Variants in HDLBP observed in about 807,000 individuals in gnomAD.
The protein encoded by HDLBP is vigilin.
Under a neutral mutation model 137.3 loss-of-function variants are expected in HDLBP, and 30 were observed. The ratio of observed to expected loss-of-function variants is 0.22; its 90% CI spans 0.16 to 0.30. HDLBP has a LOEUF of 0.30. HDLBP is among the 10% of genes least tolerant of loss of function. The pLI, the probability that HDLBP is intolerant of heterozygous loss-of-function variation, is 1.00. For synonymous variants in HDLBP, 606 were observed against 596.0 expected, an observed-to-expected ratio of 1.02 and a Z score of -0.24; for missense variants, 1,119 against 1,667.3, an observed-to-expected ratio of 0.67 and a Z score of 5.73.
intron 1 of HDLBP, among the ~76,000 whole-genome samples, chr2:241,303,691 C>T (rs2075466482): frequency 6.6e-6 from 1 of 152,218 alleles, no homozygotes; most frequent in Non-Finnish European, 1.5e-5. Context: ...ACCTTGAGAC[C>T]TGGCCTTCAG....
intron 1 of HDLBP, among the ~76,000 whole-genome samples, chr2:241,289,504 G>A (rs189714004): frequency 1.8e-4 from 27 of 152,270 alleles, no homozygotes; most frequent in Admixed American, 1.8e-3. Flanking sequence ...GTTAGACAAT[G>A]GAGATACCGG....
chr2:241,266,614 C>A (rs1245368566), intron 3 of HDLBP, 180 bp downstream of exon 3: 1 of 580,608 alleles, frequency 1.7e-6, no homozygotes, highest in Non-Finnish European at 3.1e-6. Flanking sequence ...TTCCTCATGC[C>A]TGGCCAGTCG....
In HDLBP at chr2:241,235,541, G is replaced by A. The variant is rs144083652; in HGVS notation, c.2958C>T (p.Tyr986=). ...TCCCACTTCCTTTCTGCCCAATAAC[G>A]TAACGGTGAAGGTCAAAGGGCACCT... is the stretch of plus-strand genomic sequence containing the variant. The part of the protein sequence containing the change: ...EVEVPFDLHR[Y]VIGQKGSGIR... Residue 986 remains tyrosine, a synonymous_variant, in exon 22 of 28, where the codon TAC becomes TAT. Transcript: ENST00000310931. 3.5e-5 allele frequency: 56 copies of A among 1,614,044 alleles called. No individual in the cohort carries two copies. In the East Asian group the frequency reaches 1.0e-3, roughly 30 times the overall value.
intron 1 of HDLBP, among the ~76,000 whole-genome samples, chr2:241,300,242 G>A (rs1045243964): frequency 2.0e-5 from 3 of 151,926 alleles, no homozygotes; most frequent in Non-Finnish European, 2.9e-5. Context: ...GAAGGCGGGC[G>A]CCCCCCGGTG....
chr2:241,286,097 T>C (rs539534194), intron 1 of HDLBP, among the ~76,000 whole-genome samples: 2 of 152,310 alleles, frequency 1.3e-5, no homozygotes, highest in African/African-American at 4.8e-5. Context: ...TCTTAAATTT[T>C]TGTTCCACTT....
At chr2:241,290,400 C>T (rs1356807520) in intron 1 of HDLBP, among the ~76,000 whole-genome samples, 3 of 152,052 alleles carry the variant, frequency 2.0e-5, no homozygotes, top group Non-Finnish European at 2.9e-5. Flanking sequence ...TACCTGAGGT[C>T]GGGAGTTCGA....
In HDLBP at chr2:241,238,929, G is replaced by A; in HGVS notation, c.2611-142C>T. The A allele has an allele frequency of 4.8e-6, 3 of 623,488 alleles. No homozygotes were observed. The highest frequency in any genetic ancestry group is 7.8e-6 in the Non-Finnish European group (3 of 386,988). The allele number at this position is 623,488 out of a possible 1,614,324, so 38.6% of individuals were successfully genotyped here. ...ATGCTCCCCTTCTCCCGAGTCCAGG[G>A]CTCCAGGCGCAGGGAGGAGGGAGGT... On this transcript the variant is annotated intron_variant, in intron 19 of 27. Coordinates refer to ENST00000310931, the MANE Select transcript of HDLBP (RefSeq NM_005336.6). This position sits in a 1 kb window ranked among gnomAD's most constrained non-coding sequence, Gnocchi z 4.9.
chr2:241,296,100 C>CA (rs34959720), intron 1 of HDLBP, among the ~76,000 whole-genome samples: 33,452 of 85,484 alleles, frequency 0.39, 5,436 homozygotes, highest in Middle Eastern at 0.53. Flanking sequence ...GAAAATTTTG[C>CA]AAAAAAAAAA....
intron 7 of HDLBP, 93 bp from the exon 8 acceptor site, chr2:241,255,673 G>T: frequency 1.1e-6 from 1 of 933,762 alleles, no homozygotes; most frequent in Non-Finnish European, 1.8e-6. Flanking sequence ...AAGCCAAAGC[G>T]GCCCAGACTA....
chr2:241,247,003 G>C (rs1242905953), intron 15 of HDLBP, 53 bp downstream of exon 15: 1 of 1,559,070 alleles, frequency 6.4e-7, no homozygotes, highest in African/African-American at 1.4e-5. Flanking sequence ...AAATGGTGCA[G>C]GGCTACAGAG....
Position 241,230,676 on chromosome 2 carries a change from G to A in HDLBP, c.3474+83C>T. The A allele has an allele frequency of 8.4e-7, 1 of 1,188,138 alleles. No individual in the cohort carries two copies. 73.6% of individuals were successfully genotyped at this position (1,188,138 alleles called of 1,614,324 possible). ...GTGGCCTCATCATCTTGAGGGGAAG[G>A]CCATGCCCTGCTCTTTCTTCTGGCC... On this transcript the variant is annotated intron_variant, in intron 25 of 27. Coordinates refer to ENST00000310931, the MANE Select transcript of HDLBP (RefSeq NM_005336.6). This position sits in a 1 kb window ranked among gnomAD's most constrained non-coding sequence, Gnocchi z 5.0.
intron 27 of HDLBP, 46 bp downstream of exon 27, chr2:241,229,787 C>A (rs776121228): frequency 1.8e-6 from 2 of 1,137,526 alleles, no homozygotes; most frequent in East Asian, 2.7e-5. Flanking sequence ...CCCGCCTGCC[C>A]GCCCACCCTC....
intron 9 of HDLBP, 126 bp downstream of exon 9, chr2:241,254,925 T>C: frequency 1.3e-6 from 1 of 748,246 alleles, no homozygotes; most frequent in Middle Eastern, 2.4e-4. Flanking sequence ...AACAGGCCAG[T>C]TAATTCAGAA....
intron 11 of HDLBP, among the ~76,000 whole-genome samples, chr2:241,251,553 T>G (rs1274495351): frequency 6.6e-6 from 1 of 152,238 alleles, no homozygotes; most frequent in Admixed American, 6.5e-5. Flanking sequence ...TCCACTGAAC[T>G]ATCCAGGAAT....
Position 241,229,501 on chromosome 2 carries a change from C to T in HDLBP, c.*100G>A. On this transcript the variant is annotated 3_prime_UTR_variant, in exon 28 of 28. Transcript: ENST00000310931. ...CCTCGGGAAGGGGGAAGAGCGTCAA[C>T]AATTTACGGAGGGTCCAGCCGCTGG... The T allele has an allele frequency of 1.2e-6, 1 of 864,422 alleles. No homozygotes were observed. The highest frequency in any genetic ancestry group is 1.7e-5 in the African/African-American group (1 of 59,356). The allele number at this position is 864,422 out of a possible 1,614,324, so 53.5% of individuals were successfully genotyped here.
intron 7 of HDLBP, among the ~76,000 whole-genome samples, 155 bp from the exon 8 acceptor site, chr2:241,255,735 C>T (rs1283875979): frequency 6.6e-6 from 1 of 152,238 alleles, no homozygotes; most frequent in African/African-American, 2.4e-5. Flanking sequence ...TAGCCAATCC[C>T]CAGAAACTTC....
chr2:241,303,225 A>G (rs1424753463), intron 1 of HDLBP, among the ~76,000 whole-genome samples: 1 of 152,238 alleles, frequency 6.6e-6, no homozygotes, highest in Non-Finnish European at 1.5e-5. Context: ...AGAGGCCGAC[A>G]GAAGGGCCAG....
intron 21 of HDLBP, chr2:241,236,336 A>T (rs1423125716): frequency 6.6e-6 from 3 of 454,000 alleles, no homozygotes; most frequent in African/African-American, 3.9e-5. Context: ...AGACCCTTCC[A>T]CAGCCCCCGC....
At chr2:241,249,117 A>T (rs1275687144) in intron 12 of HDLBP, among the ~76,000 whole-genome samples, 2 of 152,146 alleles carry the variant, frequency 1.3e-5, no homozygotes, top group African/African-American at 2.4e-5. Context: ...AAGCAGTGGG[A>T]GGCTGCATCA....
Sources: allele counts gnomAD v4.1 joint callset (sites outside exome capture counted in the v4.1 genomes callset), GRCh38; gene constraint gnomAD v4.1.1; non-coding constraint Gnocchi (gnomAD v3.1); transcripts MANE v1.5; gene names NCBI Gene and HGNC (gene_info 2026-07-23, HGNC 2026-07-21).